Variants in MAML3 observed in about 807,000 individuals in gnomAD.
MAML3 encodes mastermind like transcriptional coactivator 3.
A neutral mutation model predicts 101.9 loss-of-function variants in MAML3; 27 were observed. The ratio of observed to expected loss-of-function variants is 0.27; its 90% CI spans 0.20 to 0.37. MAML3 has a LOEUF of 0.37. Among genes scored for constraint, MAML3 ranks in the 10% least tolerant of loss-of-function variants. The pLI, the probability that MAML3 is intolerant of heterozygous loss-of-function variation, is 1.00. For missense variants in MAML3, 1,316 were observed against 1,444.9 expected, an observed-to-expected ratio of 0.91 and a Z score of 1.45; for synonymous variants, 501 against 555.9, an observed-to-expected ratio of 0.90 and a Z score of 1.39.
chr4:140,152,144 G>A (rs530992651), intron 1 of MAML3, among the ~76,000 whole-genome samples: 2 of 152,088 alleles, frequency 1.3e-5, no homozygotes, highest in African/African-American at 4.8e-5. Flanking sequence ...TGCCGGGCTA[G>A]CCCCGAGTCG....
At chr4:139,783,971 G>C (rs1216902964) in intron 2 of MAML3, among the ~76,000 whole-genome samples, 1 of 152,200 alleles carries the variant, frequency 6.6e-6, no homozygotes, top group Non-Finnish European at 1.5e-5. Flanking sequence ...AGAGAGGCCC[G>C]CTATCCTCTT....
chr4:139,910,972 A>G (rs1467368288), intron 1 of MAML3, among the ~76,000 whole-genome samples: 1 of 152,214 alleles, frequency 6.6e-6, no homozygotes, highest in African/African-American at 2.4e-5. Context: ...TTGTACAACC[A>G]TCTCTCCACC....
chr4:139,756,151 G>A (rs2111047701), intron 2 of MAML3, among the ~76,000 whole-genome samples: 1 of 152,330 alleles, frequency 6.6e-6, no homozygotes, highest in Middle Eastern at 3.4e-3. Context: ...AAGCATGTAG[G>A]TTGTCCGGGG....
At chr4:139,887,846 A>G (rs1732373529) in intron 2 of MAML3, among the ~76,000 whole-genome samples, 1 of 151,930 alleles carries the variant, frequency 6.6e-6, no homozygotes, top group African/African-American at 2.4e-5. Context: ...TATTGCCTAT[A>G]TTTCTGCCTG....
At chr4:139,896,955 C>A (rs983788002) in intron 1 of MAML3, among the ~76,000 whole-genome samples, 2 of 152,138 alleles carry the variant, frequency 1.3e-5, no homozygotes, top group Non-Finnish European at 2.9e-5. Flanking sequence ...TCTGCTGACA[C>A]GGGGGCCCCC....
chr4:139,966,084 C>A (rs1393469448), intron 1 of MAML3, among the ~76,000 whole-genome samples: 1 of 152,208 alleles, frequency 6.6e-6, no homozygotes, highest in East Asian at 1.9e-4. Flanking sequence ...CATTCACCCA[C>A]CACCTTGAAC....
intron 1 of MAML3, among the ~76,000 whole-genome samples, chr4:140,142,134 C>G (rs905677922): frequency 6.6e-6 from 1 of 151,698 alleles, no homozygotes; most frequent in Non-Finnish European, 1.5e-5. Flanking sequence ...CTATATGCAC[C>G]AACTTGGATG....
chr4:139,991,986 C>T (rs979899911), intron 1 of MAML3, among the ~76,000 whole-genome samples: 1 of 152,210 alleles, frequency 6.6e-6, no homozygotes. Flanking sequence ...TCAAAAATGT[C>T]TCATCATGCC....
At chr4:139,967,376 A>G (rs1324970518) in intron 1 of MAML3, among the ~76,000 whole-genome samples, 1 of 152,078 alleles carries the variant, frequency 6.6e-6, no homozygotes, top group Non-Finnish European at 1.5e-5. Context: ...AGCTGGCATT[A>G]AAATACAATC....
intron 2 of MAML3, among the ~76,000 whole-genome samples, chr4:139,852,328 A>G (rs1192559895): frequency 2.0e-5 from 3 of 151,928 alleles, no homozygotes; most frequent in Non-Finnish European, 2.9e-5. Flanking sequence ...AGAAAGCACC[A>G]TAGGTCCAAA....
intron 1 of MAML3, among the ~76,000 whole-genome samples, chr4:139,986,022 G>C (rs1173760298): frequency 6.6e-6 from 1 of 152,210 alleles, no homozygotes; most frequent in Non-Finnish European, 1.5e-5. Context: ...ATCCTCTTTT[G>C]CAGATATCTA....
chr4:139,967,219 A>G (rs1192304196), intron 1 of MAML3, among the ~76,000 whole-genome samples: 1 of 152,084 alleles, frequency 6.6e-6, no homozygotes, highest in Non-Finnish European at 1.5e-5. Flanking sequence ...AGATGATGAA[A>G]AGGAGGAGTT....
At chr4:139,761,992 G>T (rs1427339714) in intron 2 of MAML3, among the ~76,000 whole-genome samples, 2 of 152,090 alleles carry the variant, frequency 1.3e-5, no homozygotes, top group Admixed American at 1.3e-4. Context: ...GAGACAGGAA[G>T]AAGTCAGGCT....
intron 2 of MAML3, among the ~76,000 whole-genome samples, chr4:139,861,123 T>C (rs957225616): frequency 9.2e-5 from 14 of 152,248 alleles, no homozygotes; most frequent in Admixed American, 9.2e-4. Context: ...CATTTTCCAG[T>C]CCTTGACTCT....
chr4:139,789,701 G>A (rs1730368194), intron 2 of MAML3, among the ~76,000 whole-genome samples: 4 of 152,084 alleles, frequency 2.6e-5, no homozygotes, highest in African/African-American at 9.7e-5. Flanking sequence ...TTTTGACCAT[G>A]TCTTGGAACA....
intron 1 of MAML3, among the ~76,000 whole-genome samples, chr4:139,919,680 C>G (rs556099359): frequency 1.3e-3 from 197 of 152,296 alleles, no homozygotes; most frequent in African/African-American, 3.6e-3. Context: ...CATCCCACAA[C>G]AGGGACCTGG....
intron 1 of MAML3, among the ~76,000 whole-genome samples, chr4:140,144,087 T>C (rs998166783): frequency 8.5e-5 from 13 of 152,192 alleles, no homozygotes; most frequent in African/African-American, 1.2e-4. Flanking sequence ...AATTCTCTGT[T>C]ACGGGTGTAA....
chr4:139,881,600 G>A (rs1025005804), intron 2 of MAML3, among the ~76,000 whole-genome samples: 1 of 152,126 alleles, frequency 6.6e-6, no homozygotes, highest in Non-Finnish European at 1.5e-5. Context: ...CTCTTAAACA[G>A]ATATTTGAGA....
At chr4:139,732,109 G>A (rs1333620086) in intron 2 of MAML3, among the ~76,000 whole-genome samples, 2 of 152,192 alleles carry the variant, frequency 1.3e-5, no homozygotes, top group South Asian at 4.1e-4. Flanking sequence ...TAAATAGCAA[G>A]AAGCAAATGT....
Sources: allele counts gnomAD v4.1 joint callset (sites outside exome capture counted in the v4.1 genomes callset), GRCh38; gene constraint gnomAD v4.1.1; transcripts MANE v1.5; gene names NCBI Gene and HGNC (gene_info 2026-07-23, HGNC 2026-07-21).